PLCB1: variants seen among roughly 807,000 people sequenced by gnomAD.
PLCB1 encodes the protein 1-phosphatidylinositol 4,5-bisphosphate phosphodiesterase beta-1.
In PLCB1, 46 loss-of-function variants were observed where a neutral mutation model predicts 161.8. That is an observed-to-expected ratio of 0.28 (90% CI 0.22 to 0.36). The LOEUF (loss-of-function observed/expected upper bound fraction) is 0.36. Among genes scored for constraint, PLCB1 ranks in the 10% least tolerant of loss-of-function variants. PLCB1 has a pLI of 1.00. For missense variants in PLCB1, 1,016 were observed against 1,472.5 expected (o/e 0.69, Z 5.07); for synonymous variants, 517 against 503.7 (o/e 1.03, Z -0.35).
intron 9 of PLCB1, among the ~76,000 whole-genome samples, chr20:8,665,802 A>T (rs6055981): frequency 0.46 from 69,451 of 151,958 alleles, 16,049 homozygotes; most frequent in Admixed American, 0.5. Context: ...TCCTTGAAAG[A>T]TCAAACATGC....
At chr20:8,527,850 G>A (rs1984643180) in intron 3 of PLCB1, among the ~76,000 whole-genome samples, 2 of 151,944 alleles carry the variant, frequency 1.3e-5, no homozygotes, top group Admixed American at 1.3e-4. Context: ...CAGACCTTTG[G>A]GAAATTAAAA....
At chr20:8,779,750 T>C (rs181045290) in intron 27 of PLCB1, among the ~76,000 whole-genome samples, 4 of 152,312 alleles carry the variant, frequency 2.6e-5, no homozygotes, top group Non-Finnish European at 4.4e-5. Flanking sequence ...GTGTGTATCA[T>C]TGCCCCAAAT....
At position 8,518,663 on chromosome 20, in the gene PLCB1, A is replaced by G. The variant is rs552383701; in HGVS notation, c.247-109631A>G. Among the ~76,000 whole-genome samples the G allele has an allele frequency of 4.7e-4, 71 of 152,058 alleles. 1 individual carries two copies. Among genetic ancestry groups the G allele is most frequent in the African/African-American group, 1.6e-3 (67 of 41,468 alleles). On this transcript the variant is annotated intron_variant, in intron 3 of 31. Coordinates refer to ENST00000338037, the MANE Select transcript of PLCB1 (RefSeq NM_015192.4). Reference sequence around the variant, plus strand: ...CCAGAGATGGGTTTCATGAAAGACAATTTTTCCATGGACCAGGGCAGCAGG... The same window carrying G: ...CCAGAGATGGGTTTCATGAAAGACAGTTTTTCCATGGACCAGGGCAGCAGG...
chr20:8,554,670 G>A (rs1985890608), intron 3 of PLCB1, among the ~76,000 whole-genome samples: 1 of 152,118 alleles, frequency 6.6e-6, no homozygotes, highest in Non-Finnish European at 1.5e-5. Context: ...TAGCCTGGAT[G>A]ATGATTGCAT....
At chr20:8,845,879 G>A (rs1416031862) in intron 31 of PLCB1, among the ~76,000 whole-genome samples, 1 of 152,218 alleles carries the variant, frequency 6.6e-6, no homozygotes, top group Non-Finnish European at 1.5e-5. Flanking sequence ...AGTACGCAAT[G>A]CGGACACATT....
At chr20:8,580,667 G>A (rs1351872503) in intron 3 of PLCB1, among the ~76,000 whole-genome samples, 1 of 152,238 alleles carries the variant, frequency 6.6e-6, no homozygotes, top group African/African-American at 2.4e-5. Flanking sequence ...TAGGCACTAT[G>A]ATAGGTGCTG....
chr20:8,308,436 G>A (rs539548218), intron 2 of PLCB1, among the ~76,000 whole-genome samples: 6 of 151,766 alleles, frequency 4.0e-5, no homozygotes, highest in Admixed American at 2.0e-4. Flanking sequence ...GGCCAACATG[G>A]TGAAACCCTC....
intron 3 of PLCB1, among the ~76,000 whole-genome samples, chr20:8,429,784 C>T (rs1979955747): frequency 6.6e-6 from 1 of 152,028 alleles, no homozygotes. Context: ...CCTGCACAGT[C>T]ACTTTAATCT....
At chr20:8,302,811 T>C (rs899125989) in intron 2 of PLCB1, among the ~76,000 whole-genome samples, 1 of 152,156 alleles carries the variant, frequency 6.6e-6, no homozygotes, top group Non-Finnish European at 1.5e-5. Context: ...AAATAAAAAA[T>C]AGGGTCCCTT....
chr20:8,696,221 A>G (rs1460827837), intron 10 of PLCB1, among the ~76,000 whole-genome samples: 1 of 152,066 alleles, frequency 6.6e-6, no homozygotes, highest in African/African-American at 2.4e-5. Context: ...TTTTATTTTT[A>G]TGTGGCTATC....
At chr20:8,865,197 A>T (rs889032687) in intron 31 of PLCB1, among the ~76,000 whole-genome samples, 1 of 152,172 alleles carries the variant, frequency 6.6e-6, no homozygotes, top group Non-Finnish European at 1.5e-5. Flanking sequence ...ATAAACATTG[A>T]TGGAAAGTAA....
At chr20:8,762,381 G>T (rs1982086943) in intron 25 of PLCB1, among the ~76,000 whole-genome samples, 1 of 152,154 alleles carries the variant, frequency 6.6e-6, no homozygotes, top group South Asian at 2.1e-4. Context: ...ATTTATAAAT[G>T]ATATTTGTGT....
At chr20:8,777,311 C>G (rs535148061) in intron 27 of PLCB1, among the ~76,000 whole-genome samples, 1 of 152,054 alleles carries the variant, frequency 6.6e-6, no homozygotes, top group Non-Finnish European at 1.5e-5. Flanking sequence ...GAAGTGGTCT[C>G]CTAGGAAGAA....
At chr20:8,328,575 C>T (rs1985246584) in intron 2 of PLCB1, among the ~76,000 whole-genome samples, 1 of 150,336 alleles carries the variant, frequency 6.7e-6, no homozygotes, top group Admixed American at 6.6e-5. Context: ...TTCTGGGTGA[C>T]TAATAAATAT....
chr20:8,334,057 A>G (rs1206409475), intron 2 of PLCB1, among the ~76,000 whole-genome samples: 1 of 152,124 alleles, frequency 6.6e-6, no homozygotes, highest in Non-Finnish European at 1.5e-5. Context: ...TAAAAATACA[A>G]AATTGGCCGG....
At position 8,519,362 on chromosome 20, in the gene PLCB1, C is replaced by T. The variant is rs147519451; in HGVS notation, c.247-108932C>T. 1.8e-4 allele frequency among the ~76,000 whole-genome samples: 28 copies of T among 152,000 alleles called. 1 individual carries two copies. In the South Asian group the frequency reaches 2.1e-3, roughly 11 times the overall value. ...GAGGAAAGATAAGGAAAAACTTCTC[C>T]GATGAAGGGACTTTAATCTGACATC... On this transcript the variant is annotated intron_variant, in intron 3 of 31. Transcript: ENST00000338037.
intron 31 of PLCB1, among the ~76,000 whole-genome samples, chr20:8,820,137 A>G (rs1042661504): frequency 6.7e-6 from 1 of 148,276 alleles, no homozygotes; most frequent in South Asian, 2.1e-4. Flanking sequence ...TTGAGTTACA[A>G]TTGGGTGAAT....
At chr20:8,413,506 C>T (rs1359859593) in intron 3 of PLCB1, among the ~76,000 whole-genome samples, 2 of 152,196 alleles carry the variant, frequency 1.3e-5, no homozygotes, top group Non-Finnish European at 2.9e-5. Context: ...AATTAAAGTA[C>T]ACAAAATGTA....
chr20:8,847,826 A>G (rs10154004), intron 31 of PLCB1, among the ~76,000 whole-genome samples: 32,575 of 152,226 alleles, frequency 0.21, 4,222 homozygotes, highest in Middle Eastern at 0.33. Context: ...CAGCCAGATG[A>G]AGAGGTATAT....
Sources: gnomAD v4.1 joint callset for allele counts (sites outside exome capture counted in the v4.1 genomes callset) on GRCh38, gnomAD v4.1.1 for gene constraint, MANE v1.5 for transcripts, NCBI Gene and HGNC (gene_info 2026-07-23, HGNC 2026-07-21) for gene names.